DUSP26: variants seen among roughly 807,000 people sequenced by gnomAD.
The protein encoded by DUSP26 is dual specificity phosphatase 26.
Under a neutral mutation model 20.0 loss-of-function variants are expected in DUSP26, and 12 were observed. The observed-to-expected ratio is 0.60, with a 90% CI of 0.38 to 0.97. DUSP26 has a LOEUF of 0.97. Among genes scored for constraint, DUSP26 ranks in the 50% least tolerant of loss-of-function variants. The pLI is 0.00. For missense variants in DUSP26, 230 were observed against 294.0 expected (o/e 0.78, Z 1.59); for synonymous variants, 120 against 118.8 (o/e 1.01, Z -0.06).
chr8:33,592,595 G>A (rs1485811850), intron 3 of DUSP26, among the ~76,000 whole-genome samples: 2 of 147,794 alleles, frequency 1.4e-5, no homozygotes, highest in Admixed American at 6.9e-5. Context: ...GAGGAAGACA[G>A]GTAAGTACAG....
At chr8:33,597,882 T>TACACACACACACAGACACAC (rs1811186771) in intron 1 of DUSP26, 1 of 152,610 alleles carries the variant, frequency 6.6e-6, no homozygotes, top group African/African-American at 2.8e-5. Flanking sequence ...CCAGCACGCA[T>TACACACACACACAGACACAC]ACACACACAC....
At chr8:33,597,218 G>T in intron 2 of DUSP26, 77 bp downstream of exon 2, 1 of 1,388,752 alleles carries the variant, frequency 7.2e-7, no homozygotes, top group Non-Finnish European at 9.8e-7. Context: ...CTGCATACCT[G>T]TCTGCCACCC....
chr8:33,597,909 A>ACACACACACACACACACT, intron 1 of DUSP26: 1 of 186,150 alleles, frequency 5.4e-6, no homozygotes, highest in Non-Finnish European at 1.1e-5. Context: ...ACACACACAC[A>ACACACACACACACACACT]CGGCACTTGG....
intron 2 of DUSP26, among the ~76,000 whole-genome samples, chr8:33,596,735 G>A (rs933050249): frequency 6.6e-6 from 1 of 152,068 alleles, no homozygotes; most frequent in African/African-American, 2.4e-5. Context: ...AGGCACTGCC[G>A]CTTTGCTTGG....
intron 3 of DUSP26, among the ~76,000 whole-genome samples, chr8:33,593,291 A>T (rs1469509710): frequency 6.6e-6 from 1 of 152,082 alleles, no homozygotes; most frequent in African/African-American, 2.4e-5. Flanking sequence ...AAAAAGAAAA[A>T]GTCGATCACA....
intron 3 of DUSP26, among the ~76,000 whole-genome samples, 184 bp from the exon 4 acceptor site, chr8:33,592,396 C>T (rs890512021): frequency 6.6e-6 from 1 of 151,618 alleles, no homozygotes; most frequent in African/African-American, 2.4e-5. Flanking sequence ...CATGGTGAAA[C>T]CCCATCTCTA....
intron 2 of DUSP26, among the ~76,000 whole-genome samples, chr8:33,594,720 A>T (rs935150655): frequency 4.9e-5 from 7 of 142,476 alleles, no homozygotes; most frequent in African/African-American, 1.0e-4. Context: ...AGCAGATTTC[A>T]TTTTTTTTTT....
chr8:33,596,065 C>T (rs1811136880), intron 2 of DUSP26, among the ~76,000 whole-genome samples: 1 of 152,180 alleles, frequency 6.6e-6, no homozygotes, highest in South Asian at 2.1e-4. Context: ...AGGTGGATCA[C>T]TTGAGGCCAG....
chr8:33,592,292 C>T lies in DUSP26; in HGVS notation c.437-80G>A, dbSNP rs1046704358. The stretch of plus-strand genomic sequence containing the variant: ...GGCTGGGGAAAGGGTGACATGGGGC[C>T]GGGCATGGTGGCTCACGGCGGTAAT... On this transcript the variant is annotated intron_variant, in intron 3 of 3. Coordinates refer to ENST00000256261, the MANE Select transcript of DUSP26 (RefSeq NM_024025.3). The T allele has an allele frequency of 2.3e-5, 31 of 1,363,544 alleles. No homozygotes were observed. In the South Asian group the frequency reaches 3.1e-4, roughly 13 times the overall value. The allele number at this position is 1,363,544 out of a possible 1,614,324, so 84.5% of individuals were successfully genotyped here.
intron 2 of DUSP26, among the ~76,000 whole-genome samples, chr8:33,595,589 C>A (rs951773161): frequency 6.6e-6 from 1 of 152,032 alleles, no homozygotes; most frequent in Admixed American, 6.6e-5. Flanking sequence ...CTATCTTGGC[C>A]AGGCTGGTCT....
intron 3 of DUSP26, 62 bp from the exon 4 acceptor site, chr8:33,592,274 G>T: frequency 6.8e-7 from 1 of 1,476,230 alleles, no homozygotes. Flanking sequence ...GGAGGCTGGG[G>T]AAAGGGTGAC....
chr8:33,593,803 T>C, intron 2 of DUSP26, 56 bp from the exon 3 acceptor site: 1 of 1,580,582 alleles, frequency 6.3e-7, no homozygotes, highest in Non-Finnish European at 8.7e-7. Flanking sequence ...TGGGGAAGAC[T>C]CCCTTGTCTA....
At chr8:33,597,815 C>CGGGGAGAG in intron 1 of DUSP26, 1 of 296,434 alleles carries the variant, frequency 3.4e-6, no homozygotes, top group East Asian at 7.5e-5. Context: ...TCCTTGTTTA[C>CGGGGAGAG]GGGGAGAGGG....
rs1811070539 is a variant in DUSP26, at chr8:33,593,516, C to T, written c.436+17G>A. ...CAGGCACCCTGTTCTTTCCTGCTCC[C>T]AGCATTCCCCTCCTACCTCCTGGCT... On this transcript the variant is annotated intron_variant, in intron 3 of 3. Transcript: ENST00000256261. The T allele has an allele frequency of 1.2e-6, 2 of 1,607,744 alleles. No homozygotes were observed. Among genetic ancestry groups the T allele is most frequent in the Non-Finnish European group, 1.7e-6 (2 of 1,174,704 alleles).
rs893272472 is a variant in DUSP26 at position 33,599,907 on chromosome 8, G to A, written c.-319C>T. 5 of 152,220 alleles carry A rather than the reference G, an allele frequency of 3.3e-5. No homozygotes were observed. Among genetic ancestry groups the A allele is most frequent in the African/African-American group, 4.8e-5 (2 of 41,452 alleles). 9.4% of individuals were successfully genotyped at this position (152,220 alleles called of 1,614,324 possible). ...GTGGCCCGAGTCGCCAGGCAGCGTG[G>A]GCTCCCCAGCCAACCCCCCACGAGC... On this transcript the variant is annotated 5_prime_UTR_variant, in exon 1 of 4. Transcript: ENST00000256261.
chr8:33,591,911 G>A lies in DUSP26; in HGVS notation c.*102C>T, dbSNP rs1811027744. 7.4e-6 allele frequency: 10 copies of A among 1,356,944 alleles called. No homozygotes were observed. In the Admixed American group the frequency reaches 7.8e-5, roughly 11 times the overall value. The allele number at this position is 1,356,944 out of a possible 1,614,324, so 84.1% of individuals were successfully genotyped here. A position where few individuals can be genotyped will look rare whatever the true frequency, so the allele number is the denominator to read the frequency against. On this transcript the variant is annotated 3_prime_UTR_variant, in exon 4 of 4. Transcript: ENST00000256261. ...GCCTCTCCTGACCCCAGGGGAGGAT[G>A]GGTGATCTGGGCCTCCTGCTACCTG...
chr8:33,593,840 T>C, intron 2 of DUSP26, 93 bp from the exon 3 acceptor site: 9 of 1,434,008 alleles, frequency 6.3e-6, no homozygotes, highest in Non-Finnish European at 8.6e-6. Flanking sequence ...TGAATCCTAT[T>C]GTTGATTTTT....
At chr8:33,593,501 G>A (rs779806348) in intron 3 of DUSP26, 32 bp downstream of exon 3, 2 of 1,600,254 alleles carry the variant, frequency 1.2e-6, no homozygotes, top group Non-Finnish European at 1.7e-6. Flanking sequence ...CAGGCACCCT[G>A]TTCTTTCCTG....
intron 3 of DUSP26, among the ~76,000 whole-genome samples, 191 bp downstream of exon 3, chr8:33,593,342 T>C (rs570057791): frequency 6.6e-6 from 1 of 152,256 alleles, no homozygotes; most frequent in South Asian, 2.1e-4. Context: ...ACTCTTAACA[T>C]TTTTGATAAT....
Sources: gnomAD v4.1 joint callset for allele counts (sites outside exome capture counted in the v4.1 genomes callset) on GRCh38, gnomAD v4.1.1 for gene constraint, MANE v1.5 for transcripts, NCBI Gene and HGNC (gene_info 2026-07-23, HGNC 2026-07-21) for gene names.